Variants in ECPAS observed in about 807,000 individuals in gnomAD.
The protein encoded by ECPAS is Ecm29 proteasome adaptor and scaffold.
In ECPAS, 70 loss-of-function variants were observed where a neutral mutation model predicts 255.1. That is an observed-to-expected ratio of 0.27 (90% confidence interval 0.23 to 0.33). The LOEUF is 0.33. Ranked by LOEUF, ECPAS falls within the 10% of genes least tolerant of loss-of-function variation. ECPAS has a pLI of 1.00. For missense variants in ECPAS, 1,817 were observed against 2,206.4 expected (o/e 0.82, Z 3.54); for synonymous variants, 784 against 775.0 (o/e 1.01, Z -0.19).
chr9:111,416,270 A>G lies in ECPAS; in HGVS notation c.1764+2T>C. ...GTAAATAGAAATATATGAAAGTTCT[A>G]CCTCTCCAAAGGCTGCTGGGTTAAA... On this transcript the variant is annotated splice_donor_variant, in intron 18 of 49. Coordinates refer to ENST00000684092, the MANE Select transcript of ECPAS (RefSeq NM_001364929.1). LOFTEE classifies it high-confidence loss of function. The G allele has an allele frequency of 6.2e-7, 1 of 1,607,184 alleles. No individual in the cohort carries two copies. Among genetic ancestry groups the G allele is most frequent in the Non-Finnish European group, 8.5e-7 (1 of 1,173,814 alleles).
intron 16 of ECPAS, among the ~76,000 whole-genome samples, chr9:111,419,227 T>C (rs961758916): frequency 2.0e-5 from 3 of 152,116 alleles, no homozygotes; most frequent in Admixed American, 2.0e-4. Context: ...TCAGAATAAA[T>C]GAAGCTTTTC....
chr9:111,401,017 G>C (rs1320457825), intron 24 of ECPAS, among the ~76,000 whole-genome samples: 1 of 152,124 alleles, frequency 6.6e-6, no homozygotes, highest in Non-Finnish European at 1.5e-5. Context: ...AAAGTACCAA[G>C]AGAAAAGAAG....
At chr9:111,378,192 G>A (rs754638844) in intron 36 of ECPAS, among the ~76,000 whole-genome samples, 5 of 151,920 alleles carry the variant, frequency 3.3e-5, no homozygotes, top group Non-Finnish European at 5.9e-5. Context: ...CCTGATCAGA[G>A]ACCAGGTGAC....
At chr9:111,372,682 C>A in intron 41 of ECPAS, 62 bp from the exon 42 acceptor site, 1 of 1,284,242 alleles carries the variant, frequency 7.8e-7, no homozygotes, top group Non-Finnish European at 1.1e-6. Flanking sequence ...CTGATCTAAA[C>A]AGGCTATTGT....
intron 12 of ECPAS, 99 bp downstream of exon 12, chr9:111,425,319 T>C: frequency 1.3e-6 from 1 of 750,984 alleles, no homozygotes; most frequent in Non-Finnish European, 2.0e-6. Context: ...AGTGAAACTT[T>C]AACAAACTTT....
chr9:111,422,500 T>C (rs1182946914), intron 13 of ECPAS, among the ~76,000 whole-genome samples: 2 of 152,210 alleles, frequency 1.3e-5, no homozygotes, highest in Non-Finnish European at 2.9e-5. Flanking sequence ...ATGACTGTCG[T>C]GGAAAGGGGC....
chr9:111,473,586 A>C (rs1172244028), intron 1 of ECPAS, among the ~76,000 whole-genome samples: 2 of 152,170 alleles, frequency 1.3e-5, no homozygotes, highest in Non-Finnish European at 2.9e-5. Flanking sequence ...CATGGGAATC[A>C]TTCCCACACT....
At chr9:111,477,150 C>T (rs2098297279) in intron 1 of ECPAS, among the ~76,000 whole-genome samples, 1 of 151,582 alleles carries the variant, frequency 6.6e-6, no homozygotes, top group Admixed American at 6.6e-5. Context: ...GCTCTGTCAC[C>T]CAGGCTAGAG....
chr9:111,446,692 A>G (rs964370813), intron 3 of ECPAS, among the ~76,000 whole-genome samples: 10 of 152,168 alleles, frequency 6.6e-5, no homozygotes, highest in African/African-American at 1.7e-4. Flanking sequence ...TCTCACAACA[A>G]CCAGTGAGGT....
At chr9:111,464,046 T>C (rs1286380401) in intron 2 of ECPAS, among the ~76,000 whole-genome samples, 4 of 152,168 alleles carry the variant, frequency 2.6e-5, no homozygotes, top group Admixed American at 2.6e-4. Flanking sequence ...TTAACAGTGA[T>C]AGTTGATTTA....
chr9:111,483,295 G>A (rs2098309596), intron 1 of ECPAS, among the ~76,000 whole-genome samples: 1 of 152,016 alleles, frequency 6.6e-6, no homozygotes, highest in Admixed American at 6.5e-5. Flanking sequence ...ATTTCGCAAC[G>A]TGACGGTGCA....
At chr9:111,366,412 A>G (rs2098120387) in intron 47 of ECPAS, 85 bp from the exon 48 acceptor site, 1 of 1,278,716 alleles carries the variant, frequency 7.8e-7, no homozygotes, top group South Asian at 1.3e-5. Flanking sequence ...ATCTGTATGT[A>G]TCACTGTCAC....
rs1395164059 is a variant in ECPAS, at chr9:111,396,520, G to A, written c.2776+510C>T. On this transcript the variant is annotated intron_variant, in intron 25 of 49. Coordinates refer to ENST00000684092, the MANE Select transcript of ECPAS (RefSeq NM_001364929.1). ...GACTCCCCTGCTTGCTTGCCAAAGG[G>A]TCAGAAAAAGAAGTTAACTAATTTC... Among the ~76,000 whole-genome samples the A allele has an allele frequency of 3.3e-5, 5 of 152,202 alleles. No individual in the cohort carries two copies. The East Asian group carries it at 9.7e-4, about 29-fold the overall frequency.
At chr9:111,434,145 T>G (rs1047039151) in intron 7 of ECPAS, among the ~76,000 whole-genome samples, 2 of 152,122 alleles carry the variant, frequency 1.3e-5, no homozygotes, top group African/African-American at 4.8e-5. Context: ...TTTACAATTA[T>G]TAAATGAGAA....
chr9:111,377,051 T>A (rs2098134157), intron 36 of ECPAS, among the ~76,000 whole-genome samples: 1 of 152,212 alleles, frequency 6.6e-6, no homozygotes. Flanking sequence ...TGCCTAGGGC[T>A]ACAAAGTTTA....
At chr9:111,462,029 G>A (rs971613169) in intron 2 of ECPAS, among the ~76,000 whole-genome samples, 15 of 152,148 alleles carry the variant, frequency 9.9e-5, no homozygotes, top group African/African-American at 3.4e-4. Context: ...GGAATTATGG[G>A]AGCTACAAGA....
chr9:111,391,688 T>C, intron 29 of ECPAS, 68 bp downstream of exon 29: 1 of 989,826 alleles, frequency 1.0e-6, no homozygotes, highest in Non-Finnish European at 1.6e-6. Flanking sequence ...ACTGCTCTAT[T>C]TACCAGACTA....
chr9:111,483,197 G>A (rs749649119), intron 1 of ECPAS, among the ~76,000 whole-genome samples: 1 of 151,924 alleles, frequency 6.6e-6, no homozygotes, highest in African/African-American at 2.4e-5. Flanking sequence ...CGCCAGCCGA[G>A]GCTCAGTGGG....
In ECPAS at chr9:111,371,513, C is replaced by T. The variant is rs189055157; in HGVS notation, c.4737+108G>A. 6.8e-5 allele frequency: 72 copies of T among 1,051,682 alleles called. No individual in the cohort carries two copies. In the African/African-American group the frequency reaches 1.1e-3, roughly 16 times the overall value. 65.1% of individuals were successfully genotyped at this position (1,051,682 alleles called of 1,614,324 possible). On this transcript the variant is annotated intron_variant, in intron 43 of 49. Coordinates refer to ENST00000684092, the MANE Select transcript of ECPAS (RefSeq NM_001364929.1). ...CTTCCACTGTCTAGGAAATCTAGTT[C>T]ACAAAAATAATCCATTGGAAAAGTT...
Sources: gnomAD v4.1 joint callset for allele counts (sites outside exome capture counted in the v4.1 genomes callset) on GRCh38, gnomAD v4.1.1 for gene constraint, MANE v1.5 for transcripts, NCBI Gene and HGNC (gene_info 2026-07-23, HGNC 2026-07-21) for gene names.